CTNNA2: variants seen among roughly 807,000 people sequenced by gnomAD.
The protein encoded by CTNNA2 is catenin alpha 2.
Under a neutral mutation model 101.0 loss-of-function variants are expected in CTNNA2, and 42 were observed. The ratio of observed to expected loss-of-function variants is 0.42; its 90% CI spans 0.32 to 0.54. The LOEUF is 0.54. CTNNA2 is among the 20% of genes least tolerant of loss of function. The pLI is 0.14. For synonymous variants in CTNNA2, 450 were observed against 456.4 expected, an observed-to-expected ratio of 0.99 and a Z score of 0.18; for missense variants, 871 against 1,223.1, an observed-to-expected ratio of 0.71 and a Z score of 4.29.
At chr2:79,288,004 G>A (rs547619733) in intron 2 of CTNNA2, among the ~76,000 whole-genome samples, 1 of 152,320 alleles carries the variant, frequency 6.6e-6, no homozygotes, top group African/African-American at 2.4e-5. Context: ...GGAGTGACCC[G>A]ATTTTCCAGG....
intron 3 of CTNNA2, among the ~76,000 whole-genome samples, chr2:79,779,988 A>G (rs947305285): frequency 2.0e-5 from 3 of 152,100 alleles, no homozygotes; most frequent in Non-Finnish European, 4.4e-5. Context: ...GACACTTACA[A>G]TCTATTATCT....
At chr2:79,794,532 G>A (rs1178800710) in intron 3 of CTNNA2, among the ~76,000 whole-genome samples, 3 of 152,048 alleles carry the variant, frequency 2.0e-5, no homozygotes, top group East Asian at 1.9e-4. Flanking sequence ...ACCTTCCAAA[G>A]TTTCCTCCCT....
chr2:79,480,203 C>T (rs1671094394), intron 4 of CTNNA2, among the ~76,000 whole-genome samples: 2 of 152,028 alleles, frequency 1.3e-5, no homozygotes, highest in Non-Finnish European at 2.9e-5. Flanking sequence ...CAAGAACTCA[C>T]GTAGTTCCCT....
rs940241207 is a variant in CTNNA2 at position 79,409,241 on chromosome 2, T to C, written c.-135+35228T>C. The stretch of plus-strand genomic sequence containing the variant: ...TAGATTGCGAAAATTTTCTCCCATT[T>C]TGTAGGTTGCCTGTTCAGTCTGATG... On this transcript the variant is annotated intron_variant, in intron 4 of 21. Coordinates refer to the CTNNA2 transcript ENST00000466387. Among the ~76,000 whole-genome samples the C allele has an allele frequency of 3.3e-5, 5 of 152,106 alleles. No homozygotes were observed. The East Asian group carries it at 5.8e-4, about 18-fold the overall frequency.
intron 9 of CTNNA2, among the ~76,000 whole-genome samples, chr2:80,510,984 G>A (rs538121706): frequency 6.6e-6 from 1 of 152,208 alleles, no homozygotes; most frequent in Admixed American, 6.5e-5. Flanking sequence ...GCCCTTCCCA[G>A]GGTACTTGCA....
chr2:79,352,214 A>AT (rs892550231), intron 3 of CTNNA2, among the ~76,000 whole-genome samples: 27 of 148,846 alleles, frequency 1.8e-4, no homozygotes, highest in African/African-American at 2.5e-4. Context: ...TGCTTGTATA[A>AT]TTTTTTTTTT....
chr2:79,642,821 T>A (rs569088178), intron 1 of CTNNA2, among the ~76,000 whole-genome samples: 1 of 151,166 alleles, frequency 6.6e-6, no homozygotes, highest in South Asian at 2.1e-4. Flanking sequence ...CTGTGATACA[T>A]ACACACAGAT....
intron 2 of CTNNA2, among the ~76,000 whole-genome samples, chr2:79,306,045 CAAA>C (rs60219150): frequency 1.1e-4 from 9 of 80,110 alleles, no homozygotes; most frequent in Non-Finnish European, 1.6e-4. Flanking sequence ...GACACCATTT[CAAA>C]AAAAAAAAAA....
chr2:80,603,619 T>A (rs1697745537), intron 15 of CTNNA2: 1 of 152,544 alleles, frequency 6.6e-6, no homozygotes, highest in Non-Finnish European at 1.5e-5. Flanking sequence ...GCTTAAAATT[T>A]TGAATTTTTT....
intron 7 of CTNNA2, among the ~76,000 whole-genome samples, chr2:80,081,619 C>T (rs1447923073): frequency 1.3e-5 from 2 of 151,396 alleles, no homozygotes; most frequent in Non-Finnish European, 2.9e-5. Context: ...ATTGATTTGG[C>T]CTGGAGAAAC....
At chr2:79,849,767 A>G (rs1321812967) in intron 3 of CTNNA2, among the ~76,000 whole-genome samples, 1 of 152,228 alleles carries the variant, frequency 6.6e-6, no homozygotes, top group African/African-American at 2.4e-5. Flanking sequence ...TAAAAGTTCA[A>G]ACATGAAAAA....
chr2:80,098,371 T>C (rs1013650614), intron 7 of CTNNA2, among the ~76,000 whole-genome samples: 1 of 152,172 alleles, frequency 6.6e-6, no homozygotes, highest in South Asian at 2.1e-4. Flanking sequence ...CTGGAAGTTT[T>C]GTCTCAGAGG....
chr2:79,572,619 G>T (rs540788628), intron 1 of CTNNA2, among the ~76,000 whole-genome samples: 2 of 152,126 alleles, frequency 1.3e-5, no homozygotes, highest in Non-Finnish European at 2.9e-5. Flanking sequence ...ATGCGTGGTG[G>T]CCCACGCCTG....
chr2:80,429,898 G>A (rs962069777), intron 9 of CTNNA2, among the ~76,000 whole-genome samples: 6 of 152,124 alleles, frequency 3.9e-5, no homozygotes, highest in Admixed American at 3.9e-4. Flanking sequence ...TTATGTCAAA[G>A]GTCTGTTGCA....
intron 8 of CTNNA2, among the ~76,000 whole-genome samples, chr2:80,416,587 T>C (rs995915320): frequency 1.3e-5 from 2 of 152,236 alleles, no homozygotes; most frequent in East Asian, 3.9e-4. Flanking sequence ...TCCCCTATAA[T>C]TAAAATTACA....
At chr2:79,490,827 A>G (rs1395331578) in intron 4 of CTNNA2, among the ~76,000 whole-genome samples, 3 of 152,220 alleles carry the variant, frequency 2.0e-5, no homozygotes, top group Non-Finnish European at 4.4e-5. Flanking sequence ...ATGCCAGAAG[A>G]TCCAGGCATT....
intron 7 of CTNNA2, among the ~76,000 whole-genome samples, chr2:80,386,136 AGGATTATTTCTTTGAAAAT>A (rs1449159116): frequency 6.6e-6 from 1 of 152,198 alleles, no homozygotes; most frequent in Non-Finnish European, 1.5e-5. Flanking sequence ...TTATATATTG[AGGATTATTTCTTTGAAAAT>A]GGATGCAGCC....
At chr2:80,455,973 T>C (rs1683943860) in intron 9 of CTNNA2, among the ~76,000 whole-genome samples, 1 of 152,218 alleles carries the variant, frequency 6.6e-6, no homozygotes, top group South Asian at 2.1e-4. Flanking sequence ...CTAAACTTAG[T>C]CACACTATGG....
rs530114431 is a variant in CTNNA2 at position 79,201,087 on chromosome 2, TC to T, written c.-406+3020del. 3.2e-4 allele frequency among the ~76,000 whole-genome samples: 48 copies of T among 149,666 alleles called. 1 individual carries two copies. The highest frequency in any genetic ancestry group is 7.8e-4 in the East Asian group (4 of 5,106). The stretch of plus-strand genomic sequence containing the variant: ...CCTTAAGTAATCAAAATAAAACATT[TC>T]CCCCCCCCTTTTTTTGTGGAAATTT... On this transcript the variant is annotated intron_variant, in intron 2 of 21. Coordinates refer to the CTNNA2 transcript ENST00000466387.
Sources: allele counts gnomAD v4.1 joint callset (sites outside exome capture counted in the v4.1 genomes callset), GRCh38; gene constraint gnomAD v4.1.1; transcripts MANE v1.5; gene names NCBI Gene and HGNC (gene_info 2026-07-23, HGNC 2026-07-21).